Variants in ABCA13 observed in about 807,000 individuals in gnomAD.
The protein encoded by ABCA13 is ATP-binding cassette sub-family A member 13.
In ABCA13, 476 loss-of-function variants were observed where a neutral mutation model predicts 478.7. The ratio of observed to expected loss-of-function variants is 0.99; its 90% CI spans 0.92 to 1.07. The LOEUF is 1.07. Ranked by LOEUF, ABCA13 falls within the 50% of genes least tolerant of loss-of-function variation. ABCA13 has a pLI of 0.00. For missense variants in ABCA13, 6,060 were observed against 5,910.6 expected, an observed-to-expected ratio of 1.03 and a Z score of -0.83; for synonymous variants, 2,252 against 2,158.9, an observed-to-expected ratio of 1.04 and a Z score of -1.20.
At chr7:48,528,182 A>G in intron 54 of ABCA13, 54 bp from the exon 55 acceptor site, 1 of 1,404,122 alleles carries the variant, frequency 7.1e-7, no homozygotes, top group Admixed American at 2.0e-5. Context: ...AACTTGTTCT[A>G]TTTATTTAGC....
chr7:48,296,466 T>C (rs1457913846), intron 21 of ABCA13, among the ~76,000 whole-genome samples: 1 of 148,040 alleles, frequency 6.8e-6, no homozygotes, highest in Non-Finnish European at 1.5e-5. Context: ...TCTTTTCTCT[T>C]TTTTTTTTTT....
intron 59 of ABCA13, among the ~76,000 whole-genome samples, chr7:48,624,743 T>A (rs2131608355): frequency 6.6e-6 from 1 of 152,090 alleles, no homozygotes. Flanking sequence ...TTAGTAGAGA[T>A]GAGGTTTCAC....
At chr7:48,373,848 T>C (rs1813035874) in intron 33 of ABCA13, among the ~76,000 whole-genome samples, 1 of 152,232 alleles carries the variant, frequency 6.6e-6, no homozygotes, top group South Asian at 2.1e-4. Context: ...CACTGTATTT[T>C]TTAATGTAAG....
At chr7:48,205,444 C>A (rs1784803289) in intron 3 of ABCA13, among the ~76,000 whole-genome samples, 1 of 152,216 alleles carries the variant, frequency 6.6e-6, no homozygotes, top group East Asian at 1.9e-4. Flanking sequence ...CTGCGTCTGG[C>A]TTCTCCAACT....
At chr7:48,251,991 G>A (rs569031623) in intron 15 of ABCA13, among the ~76,000 whole-genome samples, 4 of 152,124 alleles carry the variant, frequency 2.6e-5, no homozygotes, top group Non-Finnish European at 5.9e-5. Flanking sequence ...TCATTATGAG[G>A]TGGCTTCGTA....
At chr7:48,519,515 T>G (rs374103611) in intron 52 of ABCA13, among the ~76,000 whole-genome samples, 57 of 152,220 alleles carry the variant, frequency 3.7e-4, no homozygotes, top group African/African-American at 1.3e-3. Flanking sequence ...CACATTTTGA[T>G]TTCAAACACA....
chr7:48,366,336 G>C (rs759890703), intron 31 of ABCA13, among the ~76,000 whole-genome samples: 1 of 151,308 alleles, frequency 6.6e-6, no homozygotes, highest in South Asian at 2.1e-4. Context: ...TTTTTTTCCC[G>C]CTGTCAGCTC....
rs372917821 is a variant in ABCA13 at position 48,248,402 on chromosome 7, A to G, written c.1823A>G (p.Asp608Gly). ...GGAGCTGATCCCTCTCCTGAGAATG[A>G]TGTCTTTTCTAGTGACTGTAAGCAC... is the stretch of plus-strand genomic sequence containing the variant. ...LLGADPSPEN[D>G]VFSSDCKHQL... The change falls in exon 14 of 62, where the codon GAT (aspartate) becomes GGT (glycine). Residue 608 changes from aspartate (D) to glycine (G), a missense_variant. By Grantham distance (94) the Asp-to-Gly change is moderately conservative (BLOSUM62 -1). This residue lies in a region of ABCA13 where 4,423 missense variants were observed against 4,309.1 expected (regional missense o/e 1.03). Transcript: ENST00000435803. 31 of 1,612,766 alleles carry G rather than the reference A, an allele frequency of 1.9e-5. No homozygotes were observed. The highest frequency in any genetic ancestry group is 2.5e-5 in the Non-Finnish European group (29 of 1,179,404).
At chr7:48,290,373 C>T (rs74733544) in intron 20 of ABCA13, among the ~76,000 whole-genome samples, 2,885 of 152,140 alleles carry the variant, frequency 0.019, 82 homozygotes, top group African/African-American at 0.066. Flanking sequence ...CTGATGTAGC[C>T]GGAGAAGGAG....
At position 48,241,128 on chromosome 7, in the gene ABCA13, C is replaced by A. The variant is rs190240880; in HGVS notation, c.1262+62C>A. On this transcript the variant is annotated intron_variant, in intron 10 of 61. Transcript: ENST00000435803. ...AGATGACACAGAATGTTAAAGAGTG[C>A]GTGATGATACTGTTAGAAACACATT... 46 of 1,542,136 alleles carry A rather than the reference C, an allele frequency of 3.0e-5. 2 individuals carry two copies. The South Asian group carries it at 3.7e-4, about 12-fold the overall frequency.
chr7:48,212,727 A>G (rs910128282), intron 3 of ABCA13, among the ~76,000 whole-genome samples: 1 of 152,044 alleles, frequency 6.6e-6, no homozygotes, highest in Non-Finnish European at 1.5e-5. Context: ...GGCCATTTCA[A>G]TATTTTTTGA....
intron 15 of ABCA13, among the ~76,000 whole-genome samples, chr7:48,264,043 T>C (rs60243824): frequency 0.14 from 21,313 of 151,928 alleles, 1,552 homozygotes; most frequent in Middle Eastern, 0.19. Context: ...AATGGACATA[T>C]GCAGTATGTA....
rs1393686129 is a variant in ABCA13 at position 48,481,031 on chromosome 7, T to A, written c.12976-5T>A. On this transcript the variant is annotated splice_polypyrimidine_tract_variant and splice_region_variant and intron_variant, in intron 45 of 61. Transcript: ENST00000435803. The stretch of plus-strand genomic sequence containing the variant: ...TTGTTTTTATCTTTTTGAAAACAAT[T>A]TCAGAAGTGTCCAAATAGAAGTGCT... The A allele has an allele frequency of 6.4e-7, 1 of 1,569,852 alleles. No homozygotes were observed. The highest frequency in any genetic ancestry group is 8.7e-7 in the Non-Finnish European group (1 of 1,154,392).
At chr7:48,177,475 C>T (rs898409185) in intron 1 of ABCA13, among the ~76,000 whole-genome samples, 4 of 152,188 alleles carry the variant, frequency 2.6e-5, no homozygotes, top group East Asian at 1.9e-4. Flanking sequence ...TTCTCAGCAG[C>T]GGCCCACACC....
Position 48,275,123 on chromosome 7 carries a change from T to C in ABCA13, c.5457T>C (p.Phe1819=), listed in dbSNP as rs1467178982. The C allele has an allele frequency of 6.2e-7, 1 of 1,613,824 alleles. No individual in the cohort carries two copies. The highest frequency in any genetic ancestry group is 1.7e-5 in the Admixed American group (1 of 59,968). The stretch of plus-strand genomic sequence containing the variant: ...TTATTTCAGAGGCTTTAGCTTGTTT[T>C]CCTGTGGTTTGGTGCTGGAATCACA... ...PDIISEALAC[F]PVVWCWNHTN... The change falls in exon 17 of 62, where the codon TTT becomes TTC. Residue 1819 remains phenylalanine (F), a synonymous_variant. Transcript: ENST00000435803.
In ABCA13 at chr7:48,443,580, C is replaced by T. The variant is rs187226377; in HGVS notation, c.12566-11457C>T. On this transcript the variant is annotated intron_variant, in intron 42 of 61. Transcript: ENST00000435803. ...TTTGCTGATTTGTTGTTACTCATCGCATGGTTTTCAGTTTTTCCCAGTAGG... is the reference window on the plus strand; with the variant it reads ...TTTGCTGATTTGTTGTTACTCATCGTATGGTTTTCAGTTTTTCCCAGTAGG... Among the ~76,000 whole-genome samples the T allele has an allele frequency of 4.8e-3, 726 of 152,292 alleles. 5 individuals carry two copies. Among genetic ancestry groups the T allele is most frequent in the Middle Eastern group, 0.01 (3 of 294 alleles).
intron 38 of ABCA13, 74 bp downstream of exon 38, chr7:48,392,213 AC>A: frequency 7.2e-7 from 1 of 1,388,192 alleles, no homozygotes; most frequent in African/African-American, 1.4e-5. Context: ...ATAGAAAGAG[AC>A]ACTTAAAAAA....
chr7:48,197,528 A>T (rs1798093562), intron 2 of ABCA13, among the ~76,000 whole-genome samples: 1 of 152,156 alleles, frequency 6.6e-6, no homozygotes, highest in African/African-American at 2.4e-5. Flanking sequence ...AAAGGGAGTG[A>T]GAAAAGGGAA....
At chr7:48,538,593 A>T in intron 55 of ABCA13, among the ~76,000 whole-genome samples, 1 of 152,176 alleles carries the variant, frequency 6.6e-6, no homozygotes. Context: ...TGTTGAGGTT[A>T]ACTCTTATTT....
Sources: gnomAD v4.1 joint callset for allele counts (sites outside exome capture counted in the v4.1 genomes callset) on GRCh38, gnomAD v4.1.1 for gene constraint, gnomAD v4.1.1 regional missense constraint, MANE v1.5 for transcripts, NCBI Gene and HGNC (gene_info 2026-07-23, HGNC 2026-07-21) for gene names.